FOXN3: variants seen among roughly 807,000 people sequenced by gnomAD.
The protein encoded by FOXN3 is forkhead box N3, also known as forkhead box protein N3.
FOXN3 carries 7 observed loss-of-function variants against 38.4 expected under a neutral mutation model. The ratio of observed to expected loss-of-function variants is 0.18; its 90% CI spans 0.10 to 0.34. The LOEUF (loss-of-function observed/expected upper bound fraction) is 0.34. Among genes scored for constraint, FOXN3 ranks in the 10% least tolerant of loss-of-function variants. FOXN3 has a pLI of 1.00. For synonymous variants in FOXN3, 230 were observed against 242.2 expected (o/e 0.95, Z 0.47); for missense variants, 456 against 613.4 (o/e 0.74, Z 2.71).
chr14:89,565,229 C>T (rs1211480164), intron 1 of FOXN3, among the ~76,000 whole-genome samples: 4 of 151,994 alleles, frequency 2.6e-5, no homozygotes, highest in African/African-American at 7.3e-5. Context: ...GCTAGCAACA[C>T]CAGAAGCCAA....
At chr14:89,595,324 C>CA (rs57598981) in intron 1 of FOXN3, among the ~76,000 whole-genome samples, 1,641 of 137,190 alleles carry the variant, frequency 0.012, 15 homozygotes, top group African/African-American at 0.039. Context: ...GATTCCATCT[C>CA]AAAAAAAAAA....
At chr14:89,217,266 A>G (rs547201909) in intron 4 of FOXN3, among the ~76,000 whole-genome samples, 6 of 152,198 alleles carry the variant, frequency 3.9e-5, no homozygotes, top group East Asian at 1.9e-4. Flanking sequence ...CAGCCTCCCA[A>G]GTAGCTGGGA....
At chr14:89,194,285 T>C (rs868162353) in intron 4 of FOXN3, among the ~76,000 whole-genome samples, 7 of 152,230 alleles carry the variant, frequency 4.6e-5, no homozygotes, top group South Asian at 2.1e-4. Context: ...GTGTCATCTT[T>C]TATGTTTTCA....
At position 89,159,629 on chromosome 14, in the gene FOXN3, C is replaced by T. The variant is rs1413634933; in HGVS notation, c.*2785G>A. 1 of 152,198 alleles carries T rather than the reference C, an allele frequency of 6.6e-6. No individual in the cohort carries two copies. Among genetic ancestry groups the T allele is most frequent in the Non-Finnish European group, 1.5e-5 (1 of 68,046 alleles). 9.4% of individuals were successfully genotyped at this position (152,198 alleles called of 1,614,324 possible). On this transcript the variant is annotated 3_prime_UTR_variant, in exon 6 of 6. Coordinates refer to ENST00000557258, the MANE Select transcript of FOXN3 (RefSeq NM_005197.4). ...GTTTTAATTGGAAGAAGTCCTCGGC[C>T]AGAAACAGTCCTGAATGTTGAACCT...
At chr14:89,360,416 T>G (rs1161272426) in intron 2 of FOXN3, among the ~76,000 whole-genome samples, 156 of 87,740 alleles carry the variant, frequency 1.8e-3, no homozygotes, top group Middle Eastern at 0.01. Context: ...GGGAGAGAGG[T>G]AAAAAGAGAG....
intron 3 of FOXN3, among the ~76,000 whole-genome samples, chr14:89,288,825 G>A (rs987955060): frequency 2.0e-5 from 3 of 147,176 alleles, no homozygotes; most frequent in African/African-American, 7.6e-5. Context: ...CATCCAAGAA[G>A]TTGCAGATTT....
chr14:89,465,457 T>C (rs117454711), intron 1 of FOXN3, among the ~76,000 whole-genome samples: 2,466 of 152,106 alleles, frequency 0.016, 34 homozygotes, highest in Middle Eastern at 0.028. Context: ...CTCAATCTCT[T>C]GACCTCGTGA....
intron 4 of FOXN3, among the ~76,000 whole-genome samples, chr14:89,189,686 T>C (rs1887896796): frequency 6.6e-6 from 1 of 152,182 alleles, no homozygotes; most frequent in South Asian, 2.1e-4. Context: ...AAAACCATGG[T>C]AGACTATCTC....
intron 2 of FOXN3, among the ~76,000 whole-genome samples, chr14:89,353,155 C>T (rs1889048000): frequency 6.6e-6 from 1 of 152,154 alleles, no homozygotes; most frequent in Non-Finnish European, 1.5e-5. Context: ...AGTGGCCCTG[C>T]ACAAATCACA....
At chr14:89,401,270 C>T (rs1203514080) in intron 2 of FOXN3, among the ~76,000 whole-genome samples, 2 of 152,020 alleles carry the variant, frequency 1.3e-5, no homozygotes, top group Non-Finnish European at 1.5e-5. Context: ...GGTGAAACCC[C>T]GTTTTCACTA....
At chr14:89,344,271 A>G (rs962682217) in intron 3 of FOXN3, among the ~76,000 whole-genome samples, 1 of 150,634 alleles carries the variant, frequency 6.6e-6, no homozygotes, top group African/African-American at 2.5e-5. Flanking sequence ...ATTAAAGAAA[A>G]AAAAAAAAAA....
intron 5 of FOXN3, among the ~76,000 whole-genome samples, chr14:89,168,563 C>T (rs1260745015): frequency 6.6e-6 from 1 of 152,082 alleles, no homozygotes; most frequent in African/African-American, 2.4e-5. Context: ...GAAGATACTA[C>T]ATAAAATGCA....
intron 1 of FOXN3, among the ~76,000 whole-genome samples, chr14:89,530,599 T>C (rs550999177): frequency 6.6e-6 from 1 of 151,902 alleles, no homozygotes; most frequent in East Asian, 1.9e-4. Context: ...TATGTATATA[T>C]ATTTTATTTT....
At chr14:89,524,366 C>T (rs1220964981) in intron 1 of FOXN3, among the ~76,000 whole-genome samples, 2 of 30,264 alleles carry the variant, frequency 6.6e-5, no homozygotes, top group Admixed American at 7.6e-4. Flanking sequence ...AGCAAGACTC[C>T]ATCTCAAAAA....
chr14:89,409,029 C>T lies in FOXN3; in HGVS notation c.543+2905G>A, dbSNP rs187263980. ...GGGTGTACCTGAGCATACCTGGGAGCCTGCACCTCTCACAGCAGCCAGCAG... is the reference window on the plus strand; with the variant it reads ...GGGTGTACCTGAGCATACCTGGGAGTCTGCACCTCTCACAGCAGCCAGCAG... On this transcript the variant is annotated intron_variant, in intron 2 of 5. Coordinates refer to ENST00000557258, the MANE Select transcript of FOXN3 (RefSeq NM_005197.4). 4.6e-5 allele frequency among the ~76,000 whole-genome samples: 7 copies of T among 152,156 alleles called. No individual in the cohort carries two copies. In the South Asian group the frequency reaches 1.2e-3, roughly 27 times the overall value.
At chr14:89,371,036 A>G (rs892879729) in intron 2 of FOXN3, among the ~76,000 whole-genome samples, 4 of 152,230 alleles carry the variant, frequency 2.6e-5, no homozygotes, top group African/African-American at 7.2e-5. Flanking sequence ...GGGACAACTC[A>G]CGGCTTGCTT....
chr14:89,456,894 G>C (rs557583321), intron 1 of FOXN3, among the ~76,000 whole-genome samples: 7 of 152,344 alleles, frequency 4.6e-5, no homozygotes, highest in African/African-American at 1.4e-4. Context: ...CAGGTCCTTT[G>C]TCTGTGAAGG....
At chr14:89,590,123 C>T (rs1367172876) in intron 1 of FOXN3, among the ~76,000 whole-genome samples, 2 of 151,574 alleles carry the variant, frequency 1.3e-5, no homozygotes, top group African/African-American at 4.9e-5. Context: ...CTGCCAATGA[C>T]ACACAATAGA....
chr14:89,437,978 C>T (rs991426919), intron 1 of FOXN3, among the ~76,000 whole-genome samples: 1 of 152,216 alleles, frequency 6.6e-6, no homozygotes, highest in East Asian at 1.9e-4. Context: ...AGGCTCCCAA[C>T]AATCAAGGTG....
Sources: gnomAD v4.1 joint callset for allele counts (sites outside exome capture counted in the v4.1 genomes callset) on GRCh38, gnomAD v4.1.1 for gene constraint, MANE v1.5 for transcripts, NCBI Gene and HGNC (gene_info 2026-07-23, HGNC 2026-07-21) for gene names.